Variants in ACRBP observed in about 807,000 individuals in gnomAD.
ACRBP encodes acrosin-binding protein.
Under a neutral mutation model 69.0 loss-of-function variants are expected in ACRBP, and 52 were observed. The ratio of observed to expected loss-of-function variants is 0.75; its 90% CI spans 0.60 to 0.95. The LOEUF is 0.95. ACRBP is among the 40% of genes least tolerant of loss of function. ACRBP has a pLI of 0.00. For missense variants in ACRBP, 604 were observed against 673.0 expected, an observed-to-expected ratio of 0.90 and a Z score of 1.13; for synonymous variants, 267 against 258.9, an observed-to-expected ratio of 1.03 and a Z score of -0.30.
At chr12:6,643,941 TTACA>T in intron 5 of ACRBP, 192 bp downstream of exon 5, 2 of 1,177,382 alleles carry the variant, frequency 1.7e-6, no homozygotes, top group Non-Finnish European at 2.3e-6. Context: ...GGTACAGGGC[TTACA>T]TAGAGAATAA....
chr12:6,646,618 G>T (rs759008833), intron 2 of ACRBP, 41 bp from the exon 3 acceptor site: 22 of 1,589,060 alleles, frequency 1.4e-5, no homozygotes, highest in Non-Finnish European at 4.3e-6. Flanking sequence ...CCCGTGGGGA[G>T]CTTGGGGTGG....
chr12:6,641,777 C>T (rs540982059), intron 6 of ACRBP, among the ~76,000 whole-genome samples: 10 of 152,132 alleles, frequency 6.6e-5, no homozygotes, highest in African/African-American at 1.7e-4. Flanking sequence ...GGGCCAGGCA[C>T]GGTGGCTCAT....
chr12:6,642,863 A>T (rs1157853356), intron 6 of ACRBP, among the ~76,000 whole-genome samples: 1 of 152,206 alleles, frequency 6.6e-6, no homozygotes, highest in African/African-American at 2.4e-5. Flanking sequence ...ATCTCTTTAC[A>T]GATTCCCTGG....
intron 6 of ACRBP, among the ~76,000 whole-genome samples, chr12:6,643,003 G>A (rs1483438035): frequency 6.6e-6 from 1 of 152,184 alleles, no homozygotes; most frequent in Non-Finnish European, 1.5e-5. Flanking sequence ...TGTAATCCCA[G>A]CATTTTGGGA....
chr12:6,639,402 G>A (rs930406939), intron 8 of ACRBP, among the ~76,000 whole-genome samples: 18 of 152,226 alleles, frequency 1.2e-4, no homozygotes, highest in Non-Finnish European at 2.6e-4. Context: ...AGGGAAGGGG[G>A]AAGTGAGTCA....
intron 5 of ACRBP, 118 bp downstream of exon 5, chr12:6,644,019 C>T: frequency 6.7e-7 from 1 of 1,485,092 alleles, no homozygotes; most frequent in Non-Finnish European, 8.9e-7. Flanking sequence ...CTAGCTGTGC[C>T]TGAAGTCCAG....
At chr12:6,645,666 G>GT (rs3054294) in intron 3 of ACRBP, among the ~76,000 whole-genome samples, 16,903 of 142,616 alleles carry the variant, frequency 0.12, 2,364 homozygotes, top group African/African-American at 0.33. Flanking sequence ...TGTTTTTTTT[G>GT]TTTTTTTTTT....
At position 6,638,381 on chromosome 12, in the gene ACRBP, C is replaced by T; in HGVS notation, c.1533G>A (p.Gln511=). 1.2e-6 allele frequency: 2 copies of T among 1,614,064 alleles called. No homozygotes were observed. The highest frequency in any genetic ancestry group is 1.6e-4 in the Middle Eastern group (1 of 6,062). The change falls in exon 10 of 10, where the codon CAG becomes CAA. Residue 511 remains glutamine, a synonymous_variant. Coordinates refer to ENST00000229243, the MANE Select transcript of ACRBP (RefSeq NM_032489.3). ...NRKVSRMRCL[Q]NETYSALSPG... ...GGCTCAGCGCACTGTAAGTCTCATT[C>T]TGCAGACATCTCATGCGGGACACCT...
rs1949039324 is a variant in ACRBP, at chr12:6,639,976, C to A, written c.1425+84G>T. ...AGCCAGGGGCCCAAGCCCCCTTCCA[C>A]AAACTAGCGCTACTCACAGCAAGTA... is the stretch of plus-strand genomic sequence containing the variant. On this transcript the variant is annotated intron_variant, in intron 8 of 9. Transcript: ENST00000229243. 7 of 1,506,110 alleles carry A rather than the reference C, an allele frequency of 4.6e-6. No homozygotes were observed. The African/African-American group carries it at 6.9e-5, about 15-fold the overall frequency. 93.3% of individuals were successfully genotyped at this position (1,506,110 alleles called of 1,614,324 possible).
At chr12:6,646,426 C>T in intron 3 of ACRBP, 57 bp downstream of exon 3, 1 of 1,512,502 alleles carries the variant, frequency 6.6e-7, no homozygotes, top group Non-Finnish European at 9.2e-7. Flanking sequence ...CTCCCCACTG[C>T]TGCCGCCTCT....
At position 6,643,604 on chromosome 12, in the gene ACRBP, T is replaced by C. The variant is rs2136250508; in HGVS notation, c.1012A>G (p.Ile338Val). 1 of 1,614,252 alleles carries C rather than the reference T, an allele frequency of 6.2e-7. No individual in the cohort carries two copies. The highest frequency in any genetic ancestry group is 8.5e-7 in the Non-Finnish European group (1 of 1,180,044). Residue 338 changes from isoleucine (I) to valine (V), a missense_variant, in exon 6 of 10, where the codon ATC becomes GTC. Transcript: ENST00000229243. ...LCYSIVENTC[I>V]ITPTAKAWKY... ...CAGGCCTTGGCTGTGGGGGTTATGA[T>C]GCAGGTATTCTCCACGATCGAATAG...
intron 9 of ACRBP, 44 bp from the exon 10 acceptor site, chr12:6,638,448 G>A (rs1422893063): frequency 3.1e-6 from 5 of 1,612,526 alleles, no homozygotes; most frequent in South Asian, 2.2e-5. Flanking sequence ...ACAGAGCCAG[G>A]TGCCAGGAGT....
intron 3 of ACRBP, 82 bp downstream of exon 3, chr12:6,646,400 TG>T: frequency 7.7e-7 from 1 of 1,296,206 alleles, no homozygotes; most frequent in Non-Finnish European, 1.1e-6. Flanking sequence ...ATGACTCTCC[TG>T]GAACCCTTCC....
rs777861585 is a variant in ACRBP, at chr12:6,644,524, AG to A, written c.556del (p.Leu186TrpfsTer90). ...VEELLQSSLS[L>X]GGQEQAPEHK... ...CTCTGGCGCTTGCTCCTGGCCTCCC[AG>A]GGACAAGGAGGATTGTAGGAGCTCT... On this transcript the variant is annotated frameshift_variant, in exon 5 of 10. Coordinates refer to ENST00000229243, the MANE Select transcript of ACRBP (RefSeq NM_032489.3). LOFTEE classifies it high-confidence loss of function. 1.2e-6 allele frequency: 2 copies of A among 1,613,916 alleles called. No individual in the cohort carries two copies. The highest frequency in any genetic ancestry group is 1.7e-6 in the Non-Finnish European group (2 of 1,180,004).
In ACRBP at chr12:6,646,570, G is replaced by A. The variant is rs765778558; in HGVS notation, c.270C>T (p.Val90=). 1.9e-6 allele frequency: 3 copies of A among 1,614,060 alleles called. No individual in the cohort carries two copies. The highest frequency in any genetic ancestry group is 1.1e-5 in the South Asian group (1 of 91,076). The part of the protein sequence containing the change: ...ENHGLVPDGA[V]CSNLPYASWF... The stretch of plus-strand genomic sequence containing the variant: ...AGGAGGCATAAGGGAGGTTGGAGCA[G>A]ACAGCACCTGAGAAAGGGCAGGGGT... Residue 90 remains valine (V), a synonymous_variant, in exon 3 of 10, where the codon GTC becomes GTT. Transcript: ENST00000229243.
At chr12:6,645,141 T>C (rs932267196) in intron 4 of ACRBP, 79 bp downstream of exon 4, 26 of 1,137,122 alleles carry the variant, frequency 2.3e-5, no homozygotes, top group African/African-American at 9.4e-5. Flanking sequence ...CCCATTTCCC[T>C]GCCATGGATG....
intron 6 of ACRBP, among the ~76,000 whole-genome samples, chr12:6,641,390 C>T (rs998723161): frequency 2.6e-5 from 4 of 152,244 alleles, no homozygotes; most frequent in African/African-American, 9.6e-5. Flanking sequence ...ATAACGGAGG[C>T]ATCATGTCCC....
At position 6,640,644 on chromosome 12, in the gene ACRBP, T is replaced by C; in HGVS notation, c.1078-122A>G. On this transcript the variant is annotated intron_variant, in intron 6 of 9. Transcript: ENST00000229243. The surrounding 1 kb of genome is among the most constrained non-coding windows in gnomAD (Gnocchi z 5.3). The stretch of plus-strand genomic sequence containing the variant: ...GCATTTAGCCTCTTCCAAAAGCTTC[T>C]CTGGGTTTTCTACTTGGCCTCCTCC... The C allele has an allele frequency of 8.9e-7, 1 of 1,122,592 alleles. No homozygotes were observed. The highest frequency in any genetic ancestry group is 2.6e-5 in the East Asian group (1 of 38,564). The allele number at this position is 1,122,592 out of a possible 1,614,324, so 69.5% of individuals were successfully genotyped here. A position where few individuals can be genotyped will look rare whatever the true frequency, so the allele number is the denominator to read the frequency against.
At chr12:6,646,616 G>A in intron 2 of ACRBP, 39 bp from the exon 3 acceptor site, 1 of 1,595,026 alleles carries the variant, frequency 6.3e-7, no homozygotes, top group South Asian at 1.1e-5. Context: ...AACCCGTGGG[G>A]AGCTTGGGGT....
Sources: gnomAD v4.1 joint callset for allele counts (sites outside exome capture counted in the v4.1 genomes callset) on GRCh38, gnomAD v4.1.1 for gene constraint, Gnocchi (gnomAD v3.1) non-coding constraint, MANE v1.5 for transcripts, NCBI Gene and HGNC (gene_info 2026-07-23, HGNC 2026-07-21) for gene names.